TBXAS1: variants seen among roughly 807,000 people sequenced by gnomAD.
TBXAS1 encodes thromboxane A synthase 1.
Under a neutral mutation model 60.7 loss-of-function variants are expected in TBXAS1, and 48 were observed. The ratio of observed to expected loss-of-function variants is 0.79; its 90% CI spans 0.63 to 1.01. The LOEUF is 1.01. TBXAS1 is among the 50% of genes least tolerant of loss of function. The probability of loss-of-function intolerance (pLI) is 0.00; values close to 1 mark genes in which losing one functional copy is unlikely to be tolerated. For synonymous variants in TBXAS1, 287 were observed against 269.7 expected, an observed-to-expected ratio of 1.06 and a Z score of -0.63; for missense variants, 685 against 686.3, an observed-to-expected ratio of 1.00 and a Z score of 0.02.
At chr7:139,884,500 A>C (rs1802929788) in intron 3 of TBXAS1, among the ~76,000 whole-genome samples, 1 of 152,210 alleles carries the variant, frequency 6.6e-6, no homozygotes, top group African/African-American at 2.4e-5. Flanking sequence ...AACTGGAAAT[A>C]ATCCCATTTG....
intron 10 of TBXAS1, among the ~76,000 whole-genome samples, chr7:140,014,162 T>C (rs956461590): frequency 6.6e-6 from 1 of 152,064 alleles, no homozygotes; most frequent in Non-Finnish European, 1.5e-5. Flanking sequence ...GAGACGAGAA[T>C]CTAAACTAAG....
At chr7:139,891,097 C>T (rs1232665474) in intron 3 of TBXAS1, among the ~76,000 whole-genome samples, 1 of 152,040 alleles carries the variant, frequency 6.6e-6, no homozygotes, top group East Asian at 1.9e-4. Flanking sequence ...GATGCCTGTA[C>T]CTACTTCACC....
At chr7:139,810,013 T>C (rs1009250092) in intron 4 of TBXAS1, among the ~76,000 whole-genome samples, 1 of 152,156 alleles carries the variant, frequency 6.6e-6, no homozygotes, top group Non-Finnish European at 1.5e-5. Flanking sequence ...AGCCCAGGCT[T>C]GGTCATTTTC....
At chr7:139,942,524 T>C (rs543081207) in intron 5 of TBXAS1, among the ~76,000 whole-genome samples, 1 of 152,336 alleles carries the variant, frequency 6.6e-6, no homozygotes, top group African/African-American at 2.4e-5. Flanking sequence ...TCCAATCCAA[T>C]ATGGCAGCTT....
chr7:139,971,132 G>A (rs1054199632), intron 9 of TBXAS1, among the ~76,000 whole-genome samples: 3 of 152,150 alleles, frequency 2.0e-5, no homozygotes, highest in African/African-American at 7.2e-5. Flanking sequence ...CCCACCTCCT[G>A]TCCTTCTTTC....
At chr7:139,978,973 C>A (rs936387233) in intron 9 of TBXAS1, among the ~76,000 whole-genome samples, 1 of 152,014 alleles carries the variant, frequency 6.6e-6, no homozygotes, top group African/African-American at 2.4e-5. Context: ...CTAAAAAAGA[C>A]TAAAGTGAAA....
intron 1 of TBXAS1, among the ~76,000 whole-genome samples, chr7:139,856,560 G>A (rs1014148590): frequency 5.9e-5 from 9 of 152,250 alleles, no homozygotes; most frequent in Non-Finnish European, 1.0e-4. Flanking sequence ...GGGAATTTAT[G>A]CAGAGCAGGG....
intron 5 of TBXAS1, among the ~76,000 whole-genome samples, chr7:139,947,973 T>C (rs1447622497): frequency 6.6e-6 from 1 of 152,044 alleles, no homozygotes; most frequent in Non-Finnish European, 1.5e-5. Flanking sequence ...CAAGTGATTC[T>C]CTGGCCTCAG....
intron 5 of TBXAS1, among the ~76,000 whole-genome samples, chr7:139,951,931 G>A (rs879887202): frequency 0.18 from 10,440 of 57,444 alleles, 2,345 homozygotes; most frequent in African/African-American, 0.19. Context: ...GAAAGAAAGA[G>A]AGAAAGAAGG....
At chr7:139,914,361 T>G (rs1042242130) in intron 4 of TBXAS1, among the ~76,000 whole-genome samples, 1 of 152,092 alleles carries the variant, frequency 6.6e-6, no homozygotes, top group African/African-American at 2.4e-5. Context: ...AAAAAAGAGC[T>G]GGGGCAGCTC....
chr7:139,896,246 G>A lies in TBXAS1; in HGVS notation c.237-14979G>A, dbSNP rs910969304. ...CAGAGGGTGATGCAGGTCAGTAGAG[G>A]AAAGGACCAGGTGCCACAGAAACTA... On this transcript the variant is annotated intron_variant, in intron 3 of 12. Coordinates refer to ENST00000448866, the MANE Select transcript of TBXAS1 (RefSeq NM_001061.7). The surrounding 1 kb of genome is among the most constrained non-coding windows in gnomAD (Gnocchi z 4.0). Among the ~76,000 whole-genome samples, 2 of 152,148 alleles carry A rather than the reference G, an allele frequency of 1.3e-5. No homozygotes were observed. Among genetic ancestry groups the A allele is most frequent in the Non-Finnish European group, 2.9e-5 (2 of 68,024 alleles).
chr7:139,817,974 A>G (rs1013433503), intron 4 of TBXAS1, among the ~76,000 whole-genome samples: 1 of 152,212 alleles, frequency 6.6e-6, no homozygotes, highest in African/African-American at 2.4e-5. Flanking sequence ...GCAGTAGTAC[A>G]TTCATTCATT....
intron 9 of TBXAS1, among the ~76,000 whole-genome samples, chr7:140,002,784 G>A (rs558860683): frequency 6.6e-6 from 1 of 152,200 alleles, no homozygotes; most frequent in African/African-American, 2.4e-5. Flanking sequence ...GACCAACACT[G>A]GGGAGTAGGG....
intron 9 of TBXAS1, among the ~76,000 whole-genome samples, chr7:140,003,211 T>A (rs1345037308): frequency 6.6e-6 from 1 of 152,062 alleles, no homozygotes; most frequent in Non-Finnish European, 1.5e-5. Context: ...ATACGTATCT[T>A]TTTGTTTGTT....
At chr7:139,960,871 G>A (rs79887213) in intron 8 of TBXAS1, among the ~76,000 whole-genome samples, 2 of 152,222 alleles carry the variant, frequency 1.3e-5, no homozygotes, top group East Asian at 1.9e-4. Context: ...ATATTTTTCT[G>A]TTGGTGATTC....
At chr7:139,934,886 C>T (rs988710476) in intron 4 of TBXAS1, among the ~76,000 whole-genome samples, 1 of 152,204 alleles carries the variant, frequency 6.6e-6, no homozygotes, top group African/African-American at 2.4e-5. Context: ...AATCTCAGCT[C>T]ACTGCAACCT....
intron 9 of TBXAS1, among the ~76,000 whole-genome samples, chr7:139,984,040 C>T (rs959336693): frequency 3.9e-5 from 6 of 152,150 alleles, no homozygotes; most frequent in African/African-American, 1.4e-4. Flanking sequence ...CTTCCCCGAC[C>T]CTGTGATGAA....
Position 139,915,282 on chromosome 7 carries a change from G to A in TBXAS1, c.333+3961G>A, listed in dbSNP as rs537815708. ...CCATATGCTTATTTATCTGCTCAAA[G>A]AACTCAAGGAGATTAGTGAGACGTG... On this transcript the variant is annotated intron_variant, in intron 4 of 12. Transcript: ENST00000448866. Among the ~76,000 whole-genome samples the A allele has an allele frequency of 3.9e-5, 6 of 152,252 alleles. No individual in the cohort carries two copies. In the South Asian group the frequency reaches 1.2e-3, roughly 32 times the overall value.
intron 3 of TBXAS1, among the ~76,000 whole-genome samples, chr7:139,897,378 A>T (rs2267695): frequency 0.073 from 10,971 of 150,752 alleles, 581 homozygotes; most frequent in Non-Finnish European, 0.11. Context: ...GGGAATAAGG[A>T]GGCACAAGGC....
Sources: gnomAD v4.1 joint callset for allele counts (sites outside exome capture counted in the v4.1 genomes callset) on GRCh38, gnomAD v4.1.1 for gene constraint, Gnocchi (gnomAD v3.1) non-coding constraint, MANE v1.5 for transcripts, NCBI Gene and HGNC (gene_info 2026-07-23, HGNC 2026-07-21) for gene names.